HECW1: variants seen among roughly 807,000 people sequenced by gnomAD.
HECW1 encodes the protein HECT, C2 and WW domain containing E3 ubiquitin protein ligase 1, also known as E3 ubiquitin-protein ligase HECW1.
HECW1 carries 61 observed loss-of-function variants against 182.3 expected under a neutral mutation model. The observed-to-expected ratio is 0.33, with a 90% confidence interval of 0.27 to 0.41. The LOEUF (loss-of-function observed/expected upper bound fraction) is 0.41, where lower values mean the gene tolerates loss of function less well. HECW1 is among the 10% of genes least tolerant of loss of function. The probability of loss-of-function intolerance (pLI) is 1.00; values close to 1 mark genes in which losing one functional copy is unlikely to be tolerated. For missense variants in HECW1, 1,739 were observed against 2,108.9 expected, an observed-to-expected ratio of 0.82 and a Z score of 3.44; for synonymous variants, 859 against 832.6, an observed-to-expected ratio of 1.03 and a Z score of -0.55.
intron 9 of HECW1, among the ~76,000 whole-genome samples, chr7:43,441,485 G>A (rs2076885481): frequency 2.0e-5 from 3 of 152,166 alleles, no homozygotes; most frequent in African/African-American, 7.2e-5. Context: ...CCATCGTTGA[G>A]GACATATTTG....
chr7:43,477,196 A>T (rs1469948897), intron 16 of HECW1, among the ~76,000 whole-genome samples: 1 of 152,194 alleles, frequency 6.6e-6, no homozygotes, highest in African/African-American at 2.4e-5. Context: ...CATTATAAAG[A>T]GGAAGATTCA....
At chr7:43,377,627 G>A (rs2074382767) in intron 6 of HECW1, among the ~76,000 whole-genome samples, 1 of 152,102 alleles carries the variant, frequency 6.6e-6, no homozygotes, top group South Asian at 2.1e-4. Flanking sequence ...GCATATGAAT[G>A]CACAGAAATA....
At chr7:43,427,641 G>C (rs2076403106) in intron 8 of HECW1, among the ~76,000 whole-genome samples, 1 of 152,130 alleles carries the variant, frequency 6.6e-6, no homozygotes, top group Admixed American at 6.5e-5. Flanking sequence ...AATTCTGTAG[G>C]TCAGAAGTCT....
chr7:43,258,018 A>G (rs1413661363), intron 3 of HECW1, among the ~76,000 whole-genome samples: 2 of 152,168 alleles, frequency 1.3e-5, no homozygotes, highest in Non-Finnish European at 2.9e-5. Context: ...TAAAATTGAA[A>G]ATCAGAAAGT....
chr7:43,363,470 T>C (rs1816219979), intron 6 of HECW1, among the ~76,000 whole-genome samples: 1 of 152,196 alleles, frequency 6.6e-6, no homozygotes. Context: ...TCCTTAATGA[T>C]TTTGTCACAC....
At chr7:43,163,376 G>T (rs929687013) in intron 2 of HECW1, among the ~76,000 whole-genome samples, 1 of 152,208 alleles carries the variant, frequency 6.6e-6, no homozygotes, top group African/African-American at 2.4e-5. Flanking sequence ...CCCCCACTGT[G>T]TGCAGTGACA....
intron 2 of HECW1, among the ~76,000 whole-genome samples, chr7:43,198,297 GCA>G (rs1794672891): frequency 8.3e-6 from 1 of 121,196 alleles, no homozygotes; most frequent in Non-Finnish European, 1.7e-5. Context: ...ACACACATTC[GCA>G]CACTCACCCT....
intron 8 of HECW1, among the ~76,000 whole-genome samples, chr7:43,425,304 T>TAGATGATAGATA (rs1554408923): frequency 5.4e-5 from 8 of 148,364 alleles, no homozygotes; most frequent in Non-Finnish European, 8.9e-5. Context: ...GATAGATAGA[T>TAGATGATAGATA]GATAGATAGA....
intron 21 of HECW1, among the ~76,000 whole-genome samples, chr7:43,504,391 G>T (rs551776597): frequency 6.6e-6 from 1 of 152,120 alleles, no homozygotes; most frequent in Non-Finnish European, 1.5e-5. Flanking sequence ...CCTCATCAAG[G>T]CCTCTGGTTC....
intron 3 of HECW1, among the ~76,000 whole-genome samples, chr7:43,264,980 G>A (rs913106516): frequency 2.0e-5 from 3 of 151,692 alleles, no homozygotes; most frequent in Non-Finnish European, 4.4e-5. Context: ...CTTATTTACC[G>A]TGAAAACTTG....
rs1554440501 is a variant in HECW1, at chr7:43,488,434, G to GAGAAAGAAAGAAAA, written c.3235-3628_3235-3627insAAGAAAGAAAGAAA. On this transcript the variant is annotated intron_variant, in intron 17 of 29. Transcript: ENST00000395891. The stretch of plus-strand genomic sequence containing the variant: ...AAAGAGAGAGAGAGAAAGAAAGAAA[G>GAGAAAGAAAGAAAA]AGAAAGAAAGAAAGAAAGAAAGAAA... Among the ~76,000 whole-genome samples the GAGAAAGAAAGAAAA allele has an allele frequency of 2.5e-3, 232 of 93,128 alleles. 10 individuals carry two copies. The highest frequency in any genetic ancestry group is 9.3e-3 in the African/African-American group (210 of 22,678). 61.1% of individuals were successfully genotyped at this position (93,128 alleles called of 152,430 possible). A position where few individuals can be genotyped will look rare whatever the true frequency, so the allele number is the denominator to read the frequency against.
intron 6 of HECW1, among the ~76,000 whole-genome samples, chr7:43,386,085 G>A (rs775439085): frequency 2.8e-4 from 43 of 152,194 alleles, no homozygotes; most frequent in Non-Finnish European, 5.4e-4. Flanking sequence ...CCTTCATGCC[G>A]CCCACATTCC....
chr7:43,525,336 T>C (rs1271265220), intron 24 of HECW1, among the ~76,000 whole-genome samples: 1 of 152,258 alleles, frequency 6.6e-6, no homozygotes. Context: ...CTAAATAGAA[T>C]GGACAGAATC....
chr7:43,268,866 G>T (rs1275799389), intron 3 of HECW1, among the ~76,000 whole-genome samples: 1 of 152,012 alleles, frequency 6.6e-6, no homozygotes, highest in Non-Finnish European at 1.5e-5. Flanking sequence ...CAACCTCCTG[G>T]GCTCAAGTGA....
intron 17 of HECW1, among the ~76,000 whole-genome samples, chr7:43,483,204 T>C (rs946062499): frequency 6.6e-5 from 10 of 152,170 alleles, no homozygotes; most frequent in African/African-American, 2.4e-4. Context: ...CATCCATTGT[T>C]TCAGGGTGAA....
chr7:43,191,114 C>T (rs757486050), intron 2 of HECW1, among the ~76,000 whole-genome samples: 3 of 151,976 alleles, frequency 2.0e-5, no homozygotes, highest in Admixed American at 6.5e-5. Context: ...TGGAAAACTG[C>T]GGAGTAGATT....
intron 2 of HECW1, among the ~76,000 whole-genome samples, chr7:43,158,434 A>C (rs1790131997): frequency 6.6e-6 from 1 of 152,242 alleles, no homozygotes; most frequent in Admixed American, 6.5e-5. Context: ...CATTATCTCA[A>C]GATCTGGACA....
At chr7:43,402,387 A>G (rs7790444) in intron 7 of HECW1, among the ~76,000 whole-genome samples, 97,078 of 151,916 alleles carry the variant, frequency 0.64, 31,399 homozygotes, top group African/African-American at 0.73. Flanking sequence ...CTCCCATAAG[A>G]GGTTTGAGCA....
Position 43,463,640 on chromosome 7 carries a change from T to G in HECW1, c.2652-20T>G. On this transcript the variant is annotated intron_variant, in intron 13 of 29. Coordinates refer to ENST00000395891, the MANE Select transcript of HECW1 (RefSeq NM_015052.5). The stretch of plus-strand genomic sequence containing the variant: ...AGCAAACCAAAGTTAACTCCTGTCT[T>G]TCCATTTTCTAATGCAAAGGTATCA... 1 of 1,606,716 alleles carries G rather than the reference T, an allele frequency of 6.2e-7. No individual in the cohort carries two copies.
Sources: allele counts gnomAD v4.1 joint callset (sites outside exome capture counted in the v4.1 genomes callset), GRCh38; gene constraint gnomAD v4.1.1; transcripts MANE v1.5; gene names NCBI Gene and HGNC (gene_info 2026-07-23, HGNC 2026-07-21).